Variants in PCBP3 observed in about 807,000 individuals in gnomAD.
PCBP3 encodes the protein poly(rC)-binding protein 3.
A neutral mutation model predicts 52.7 loss-of-function variants in PCBP3; 25 were observed. The ratio of observed to expected loss-of-function variants is 0.47; its 90% CI spans 0.35 to 0.66. PCBP3 has a LOEUF of 0.66. PCBP3 is among the 30% of genes least tolerant of loss of function. The pLI is 0.01. For missense variants in PCBP3, 391 were observed against 490.3 expected, an observed-to-expected ratio of 0.80 and a Z score of 1.91; for synonymous variants, 162 against 183.0, an observed-to-expected ratio of 0.89 and a Z score of 0.93.
At chr21:45,872,541 A>T (rs890793970) in intron 5 of PCBP3, 1 of 152,152 alleles carries the variant, frequency 6.6e-6, no homozygotes, top group African/African-American at 2.4e-5. Flanking sequence ...GCGGGATTGG[A>T]TTCAATTCTA....
intron 13 of PCBP3, among the ~76,000 whole-genome samples, chr21:45,927,966 T>A (rs2075699665): frequency 6.6e-6 from 1 of 152,190 alleles, no homozygotes; most frequent in Non-Finnish European, 1.5e-5. Context: ...ATCCCATCTG[T>A]GCCATTCAGC....
intron 4 of PCBP3, among the ~76,000 whole-genome samples, chr21:45,785,327 CGGGA>C (rs1569219923): frequency 6.7e-6 from 1 of 149,820 alleles, no homozygotes; most frequent in Non-Finnish European, 1.5e-5. Flanking sequence ...CCGCCCCGTC[CGGGA>C]GGGAGGTGGG....
intron 2 of PCBP3, among the ~76,000 whole-genome samples, chr21:45,730,150 A>G (rs1304481152): frequency 6.6e-6 from 1 of 151,870 alleles, no homozygotes; most frequent in East Asian, 1.9e-4. Flanking sequence ...TTTCCCTAAT[A>G]TAATCATTTA....
rs936079637 is a variant in PCBP3, at chr21:45,741,876, C to T, written c.-162+6447C>T. Among the ~76,000 whole-genome samples the T allele has an allele frequency of 1.3e-5, 2 of 152,084 alleles. No individual in the cohort carries two copies. The highest frequency in any genetic ancestry group is 6.5e-5 in the Admixed American group (1 of 15,274). ...TCCTCAGGTTGCTTGAGCTCTGCAG[C>T]GTTAGGCCTGGTGAGCGCCTCTTGC... On this transcript the variant is annotated intron_variant, in intron 3 of 17. Coordinates refer to ENST00000681687, the MANE Select transcript of PCBP3 (RefSeq NM_001384156.1). This position sits in a 1 kb window ranked among gnomAD's most constrained non-coding sequence, Gnocchi z 4.5.
chr21:45,804,665 C>T (rs531116052), intron 4 of PCBP3, among the ~76,000 whole-genome samples: 5 of 152,238 alleles, frequency 3.3e-5, no homozygotes, highest in Middle Eastern at 3.4e-3. Flanking sequence ...GATGTGTCCA[C>T]GCACCAGGCA....
In PCBP3 at chr21:45,739,456, C is replaced by T. The variant is rs2086218068; in HGVS notation, c.-162+4027C>T. ...TGGCCCCCCCATCTTCATCAGCCCA[C>T]CACTTCCTGTTTGTCCATGGCCTCC... On this transcript the variant is annotated intron_variant, in intron 3 of 17. Transcript: ENST00000681687. 4.1e-5 allele frequency among the ~76,000 whole-genome samples: 6 copies of T among 145,728 alleles called. No homozygotes were observed. In the South Asian group the frequency reaches 1.4e-3, roughly 33 times the overall value.
At chr21:45,794,513 A>G (rs1010105719) in intron 4 of PCBP3, among the ~76,000 whole-genome samples, 2 of 152,274 alleles carry the variant, frequency 1.3e-5, no homozygotes, top group African/African-American at 2.4e-5. Flanking sequence ...AACCTCATCA[A>G]TTCACCAAAA....
Position 45,847,571 on chromosome 21 carries a change from T to C in PCBP3, c.-125-2390T>C, listed in dbSNP as rs576230041. ...TAAAACTATTTCTCTAGAGCTTTAA[T>C]TTTGAAGGACAGTTTGGCTGACATA... On this transcript the variant is annotated intron_variant, in intron 4 of 17. Transcript: ENST00000681687. 4.6e-5 allele frequency among the ~76,000 whole-genome samples: 7 copies of C among 152,360 alleles called. No homozygotes were observed. In the South Asian group the frequency reaches 1.5e-3, roughly 32 times the overall value.
chr21:45,787,426 T>C (rs539279808), intron 4 of PCBP3, among the ~76,000 whole-genome samples: 395 of 151,784 alleles, frequency 2.6e-3, no homozygotes, highest in African/African-American at 9.1e-3. Flanking sequence ...TTTTTTTTTT[T>C]AAATAGAGAC....
At chr21:45,647,185 T>A (rs1313061684) in intron 1 of PCBP3, among the ~76,000 whole-genome samples, 3 of 152,226 alleles carry the variant, frequency 2.0e-5, no homozygotes, top group Non-Finnish European at 4.4e-5. Context: ...CTGAACTGAT[T>A]CTGTGGCCCC....
chr21:45,799,924 G>T (rs1197525554), intron 4 of PCBP3, among the ~76,000 whole-genome samples: 1 of 152,220 alleles, frequency 6.6e-6, no homozygotes, highest in African/African-American at 2.4e-5. Context: ...GCGGGCAGAG[G>T]CTGTGCTAGC....
At chr21:45,761,843 A>G (rs2088698782) in intron 4 of PCBP3, 2 of 152,160 alleles carry the variant, frequency 1.3e-5, no homozygotes, top group South Asian at 4.2e-4. Flanking sequence ...AGCAGACACC[A>G]CCACTGCCAC....
Position 45,928,919 on chromosome 21 carries a change from C to T in PCBP3, c.718-998C>T, listed in dbSNP as rs564575343. On this transcript the variant is annotated intron_variant, in intron 13 of 17. Coordinates refer to ENST00000681687, the MANE Select transcript of PCBP3 (RefSeq NM_001384156.1). The surrounding 1 kb of genome is among the most constrained non-coding windows in gnomAD (Gnocchi z 4.1). ...ACAGAGGAGCTTTGCCCAGGGTCCT[C>T]CTGAGCCCCAGGACACCCTCTGCAG... 6.6e-6 allele frequency among the ~76,000 whole-genome samples: 1 copy of T among 152,278 alleles called. No homozygotes were observed. The highest frequency in any genetic ancestry group is 2.4e-5 in the African/African-American group (1 of 41,570).
chr21:45,800,568 G>A lies in PCBP3; in HGVS notation c.-126+45116G>A, dbSNP rs2092257929. ...CCCACCCAACACCACCAGCCTTGCT[G>A]GTGCCTCCTGCCCTGCCCTCTGCTC... On this transcript the variant is annotated intron_variant, in intron 4 of 17. Transcript: ENST00000681687. This position sits in a 1 kb window ranked among gnomAD's most constrained non-coding sequence, Gnocchi z 5.3. Among the ~76,000 whole-genome samples the A allele has an allele frequency of 6.6e-6, 1 of 152,076 alleles. No homozygotes were observed. The highest frequency in any genetic ancestry group is 2.4e-5 in the African/African-American group (1 of 41,448).
chr21:45,822,668 C>T (rs946759344), intron 4 of PCBP3, among the ~76,000 whole-genome samples: 16 of 151,562 alleles, frequency 1.1e-4, no homozygotes, highest in Non-Finnish European at 1.8e-4. Flanking sequence ...GAGTGAGGGG[C>T]GGACCCAGCA....
chr21:45,765,532 G>C (rs2089226664), intron 4 of PCBP3, among the ~76,000 whole-genome samples: 1 of 152,218 alleles, frequency 6.6e-6, no homozygotes. Flanking sequence ...CAGACCCCAG[G>C]GTGCGCGCTG....
intron 1 of PCBP3, among the ~76,000 whole-genome samples, chr21:45,655,349 T>C (rs1327136014): frequency 2.0e-5 from 3 of 152,076 alleles, no homozygotes; most frequent in African/African-American, 7.2e-5. Context: ...CAATTTGGAA[T>C]GTAAAATGCT....
At chr21:45,647,166 T>G (rs1207542988) in intron 1 of PCBP3, among the ~76,000 whole-genome samples, 1 of 152,212 alleles carries the variant, frequency 6.6e-6, no homozygotes, top group Non-Finnish European at 1.5e-5. Context: ...TGCTTTTTGT[T>G]ATGATCATCT....
intron 2 of PCBP3, among the ~76,000 whole-genome samples, chr21:45,708,810 G>A (rs186232556): frequency 2.4e-3 from 371 of 152,298 alleles, no homozygotes; most frequent in Middle Eastern, 6.8e-3. Flanking sequence ...TTTCAAGGGC[G>A]GAAGAATCCT....
Sources: gnomAD v4.1 joint callset for allele counts (sites outside exome capture counted in the v4.1 genomes callset) on GRCh38, gnomAD v4.1.1 for gene constraint, Gnocchi (gnomAD v3.1) non-coding constraint, MANE v1.5 for transcripts, NCBI Gene and HGNC (gene_info 2026-07-23, HGNC 2026-07-21) for gene names.